The following PHF21A variants were observed in gnomAD, a reference collection of about 807,000 sequenced individuals.
The protein encoded by PHF21A is PHD finger protein 21A.
PHF21A carries 11 observed loss-of-function variants against 82.5 expected under a neutral mutation model. The ratio of observed to expected loss-of-function variants is 0.13; its 90% confidence interval spans 0.08 to 0.22. The LOEUF is 0.22. Among genes scored for constraint, PHF21A ranks in the 10% least tolerant of loss-of-function variants. The probability of loss-of-function intolerance (pLI) is 1.00; values close to 1 mark genes in which losing one functional copy is unlikely to be tolerated. For missense variants in PHF21A, 579 were observed against 837.8 expected (o/e 0.69, Z 3.81); for synonymous variants, 297 against 302.8 (o/e 0.98, Z 0.20).
At chr11:45,983,265 C>T (rs1429215141) in intron 6 of PHF21A, among the ~76,000 whole-genome samples, 1 of 149,524 alleles carries the variant, frequency 6.7e-6, no homozygotes, top group African/African-American at 2.5e-5. Context: ...GGGACATGAT[C>T]AAAATACTTG....
intron 6 of PHF21A, among the ~76,000 whole-genome samples, chr11:46,006,956 C>A (rs1242973194): frequency 2.0e-5 from 3 of 152,144 alleles, no homozygotes; most frequent in African/African-American, 7.2e-5. Context: ...ATAACAATAA[C>A]AAGAGCTATT....
At chr11:45,964,988 G>A (rs1022108193) in intron 10 of PHF21A, among the ~76,000 whole-genome samples, 3 of 152,192 alleles carry the variant, frequency 2.0e-5, no homozygotes, top group Non-Finnish European at 2.9e-5. Flanking sequence ...AACTAACATG[G>A]CGTTTTCTGT....
intron 7 of PHF21A, among the ~76,000 whole-genome samples, chr11:45,978,218 T>C (rs1344258036): frequency 1.3e-5 from 2 of 152,178 alleles, no homozygotes; most frequent in East Asian, 3.8e-4. Context: ...AAGAATTGTT[T>C]GAACCCAAGA....
intron 6 of PHF21A, among the ~76,000 whole-genome samples, chr11:46,003,509 T>C (rs1672989456): frequency 6.6e-6 from 1 of 152,156 alleles, no homozygotes; most frequent in Admixed American, 6.5e-5. Context: ...AAAATGCTGA[T>C]GAACTTGATT....
chr11:46,099,571 A>C (rs1325118558), intron 1 of PHF21A, among the ~76,000 whole-genome samples: 1 of 101,814 alleles, frequency 9.8e-6, no homozygotes, highest in African/African-American at 3.1e-5. Context: ...CACCCTAAAC[A>C]CAAACACAAA....
chr11:46,107,408 A>C (rs1017608368), intron 1 of PHF21A, among the ~76,000 whole-genome samples: 1 of 152,230 alleles, frequency 6.6e-6, no homozygotes, highest in Non-Finnish European at 1.5e-5. Context: ...TCTGTAGGAC[A>C]TGGTCTGAGC....
At chr11:46,073,199 G>C (rs763761687) in intron 6 of PHF21A, among the ~76,000 whole-genome samples, 13 of 151,920 alleles carry the variant, frequency 8.6e-5, no homozygotes, top group Non-Finnish European at 1.5e-4. Context: ...GTGGTGGCGG[G>C]CGCCTGTAGT....
chr11:45,981,944 T>C (rs1438021376), intron 6 of PHF21A, among the ~76,000 whole-genome samples: 4 of 135,734 alleles, frequency 2.9e-5, no homozygotes, highest in East Asian at 2.1e-4. Context: ...GTTTTTCTTT[T>C]TTTTTTTTTT....
At chr11:45,944,654 A>G (rs2091004671) in intron 15 of PHF21A, among the ~76,000 whole-genome samples, 1 of 152,122 alleles carries the variant, frequency 6.6e-6, no homozygotes, top group South Asian at 2.1e-4. Context: ...AGGGCTTTGC[A>G]CTGCTGTTCC....
intron 6 of PHF21A, among the ~76,000 whole-genome samples, chr11:46,038,906 G>A (rs141957836): frequency 6.6e-6 from 1 of 152,168 alleles, no homozygotes; most frequent in African/African-American, 2.4e-5. Context: ...AGTTTCCAAC[G>A]CATGAAACTT....
intron 9 of PHF21A, among the ~76,000 whole-genome samples, chr11:45,965,978 G>T (rs923749860): frequency 6.6e-6 from 1 of 152,104 alleles, no homozygotes; most frequent in Non-Finnish European, 1.5e-5. Flanking sequence ...CATATCCACA[G>T]CTTCAGTGCA....
chr11:46,014,627 A>G (rs1163606790), intron 6 of PHF21A, among the ~76,000 whole-genome samples: 3 of 152,200 alleles, frequency 2.0e-5, no homozygotes, highest in African/African-American at 4.8e-5. Context: ...CACCAACAGT[A>G]TATGTGTTCC....
At chr11:46,015,308 G>A (rs1268565138) in intron 6 of PHF21A, among the ~76,000 whole-genome samples, 1 of 152,148 alleles carries the variant, frequency 6.6e-6, no homozygotes, top group East Asian at 1.9e-4. Context: ...TGTTTGCTCT[G>A]ATAGTTTCTT....
rs1243496061 is a variant in PHF21A, at chr11:45,932,435, G to C, written c.*1533C>G. 1 of 152,222 alleles carries C rather than the reference G, an allele frequency of 6.6e-6. No individual in the cohort carries two copies. The highest frequency in any genetic ancestry group is 1.5e-5 in the Non-Finnish European group (1 of 68,056). The allele number at this position is 152,222 out of a possible 1,614,324, so 9.4% of individuals were successfully genotyped here. On this transcript the variant is annotated 3_prime_UTR_variant, in exon 19 of 19. Coordinates refer to ENST00000676320, the MANE Select transcript of PHF21A (RefSeq NM_001352027.3). The surrounding 1 kb of genome is among the most constrained non-coding windows in gnomAD (Gnocchi z 4.3). ...GAGAGCACGGTCTTTTCTGAGGAGAGAGAAGGGTGGGGAGCTCCGCCTCTG... is the reference window on the plus strand; with the variant it reads ...GAGAGCACGGTCTTTTCTGAGGAGACAGAAGGGTGGGGAGCTCCGCCTCTG...
chr11:45,936,567 C>A lies in PHF21A; in HGVS notation c.1611G>T (p.Met537Ile). Reference protein sequence around the residue: ...MWICPRCQDQMLKKEEAIPWP... With the variant: ...MWICPRCQDQILKKEEAIPWP... ...ATGGAATTGCTTCTTCCTTCTTCAG[C>A]ATCTGAAAAGATTTTTAGAATTTTA... is the stretch of plus-strand genomic sequence containing the variant. The change falls in exon 17 of 19, where the codon ATG (methionine) becomes ATT (isoleucine). Residue 537 changes from methionine (M) to isoleucine (I), a missense_variant and splice_region_variant. Coordinates refer to ENST00000676320, the MANE Select transcript of PHF21A (RefSeq NM_001352027.3). 6.2e-7 allele frequency: 1 copy of A among 1,609,360 alleles called. No homozygotes were observed. Among genetic ancestry groups the A allele is most frequent in the Non-Finnish European group, 8.5e-7 (1 of 1,175,728 alleles).
chr11:45,978,946 A>G (rs73450051), intron 7 of PHF21A, among the ~76,000 whole-genome samples: 2,279 of 152,226 alleles, frequency 0.015, 61 homozygotes, highest in African/African-American at 0.052. Flanking sequence ...TCAGTGTATT[A>G]GAACAAATAC....
At chr11:46,035,482 G>T (rs2095979043) in intron 6 of PHF21A, among the ~76,000 whole-genome samples, 1 of 152,180 alleles carries the variant, frequency 6.6e-6, no homozygotes, top group Non-Finnish European at 1.5e-5. Context: ...GTTAGCCAGA[G>T]AATATTCCCT....
chr11:46,050,559 C>T (rs1252340512), intron 6 of PHF21A, among the ~76,000 whole-genome samples: 1 of 152,156 alleles, frequency 6.6e-6, no homozygotes, highest in Non-Finnish European at 1.5e-5. Flanking sequence ...CTGATATAAG[C>T]ATCTCTGGGA....
chr11:46,085,994 G>GA (rs1565916741), intron 3 of PHF21A, among the ~76,000 whole-genome samples: 2 of 151,782 alleles, frequency 1.3e-5, no homozygotes, highest in Admixed American at 1.3e-4. Context: ...CAAAGGATAG[G>GA]AAAAATTTAC....
Sources: allele counts gnomAD v4.1 joint callset (sites outside exome capture counted in the v4.1 genomes callset), GRCh38; gene constraint gnomAD v4.1.1; non-coding constraint Gnocchi (gnomAD v3.1); transcripts MANE v1.5; gene names NCBI Gene and HGNC (gene_info 2026-07-23, HGNC 2026-07-21).